Variants in DNAAF9 observed in about 807,000 individuals in gnomAD.
The protein encoded by DNAAF9 is shulin.
A neutral mutation model predicts 167.0 loss-of-function variants in DNAAF9; 90 were observed. The ratio of observed to expected loss-of-function variants is 0.54; its 90% CI spans 0.45 to 0.64. The LOEUF (loss-of-function observed/expected upper bound fraction) is 0.64. DNAAF9 is among the 30% of genes least tolerant of loss of function. DNAAF9 has a pLI of 0.00. For missense variants in DNAAF9, 1,315 were observed against 1,442.2 expected, an observed-to-expected ratio of 0.91 and a Z score of 1.43; for synonymous variants, 491 against 508.8, an observed-to-expected ratio of 0.96 and a Z score of 0.47.
rs756070004 is a variant in DNAAF9, at chr20:3,348,640, A to G, written c.691-17T>C. ...CACCAAATCCTGGGAAAAAAAGGAA[A>G]AAGATAACGTGTTTGGTCATATAAA... On this transcript the variant is annotated splice_polypyrimidine_tract_variant and intron_variant, in intron 7 of 36. Transcript: ENST00000252032. 23 of 1,523,144 alleles carry G rather than the reference A, an allele frequency of 1.5e-5. No homozygotes were observed. Among genetic ancestry groups the G allele is most frequent in the East Asian group, 4.5e-5 (2 of 44,438 alleles). 94.4% of individuals were successfully genotyped at this position (1,523,144 alleles called of 1,614,324 possible).
At chr20:3,354,492 A>C (rs910842209) in intron 7 of DNAAF9, among the ~76,000 whole-genome samples, 27 of 152,228 alleles carry the variant, frequency 1.8e-4, no homozygotes, top group Admixed American at 1.2e-3. Flanking sequence ...CTCCAAGTCC[A>C]TATTCATTGT....
intron 7 of DNAAF9, among the ~76,000 whole-genome samples, chr20:3,357,588 G>A (rs2123168264): frequency 6.6e-6 from 1 of 152,200 alleles, no homozygotes; most frequent in East Asian, 1.9e-4. Context: ...AATAAAATTA[G>A]TATACTTCTT....
chr20:3,278,037 G>A (rs539417933), intron 29 of DNAAF9, among the ~76,000 whole-genome samples: 3 of 152,290 alleles, frequency 2.0e-5, no homozygotes, highest in Non-Finnish European at 2.9e-5. Flanking sequence ...CATGTCTCCT[G>A]ATAACAATGA....
chr20:3,338,474 C>T (rs570327781), intron 10 of DNAAF9, among the ~76,000 whole-genome samples: 14 of 152,152 alleles, frequency 9.2e-5, no homozygotes, highest in African/African-American at 3.1e-4. Context: ...ATTTATCCTG[C>T]TTGGTGTTCT....
chr20:3,269,530 C>T (rs2068554409), intron 30 of DNAAF9, among the ~76,000 whole-genome samples: 1 of 152,128 alleles, frequency 6.6e-6, no homozygotes, highest in African/African-American at 2.4e-5. Context: ...CCATTTCTTT[C>T]ACACTTTAAT....
At chr20:3,402,952 G>A (rs1268848870) in intron 1 of DNAAF9, among the ~76,000 whole-genome samples, 5 of 152,104 alleles carry the variant, frequency 3.3e-5, no homozygotes, top group African/African-American at 4.8e-5. Flanking sequence ...ATCTGGAAAC[G>A]TATGTCCTTT....
At chr20:3,254,235 C>T (rs911810475) in intron 35 of DNAAF9, among the ~76,000 whole-genome samples, 64 of 152,226 alleles carry the variant, frequency 4.2e-4, no homozygotes, top group African/African-American at 1.1e-3. Flanking sequence ...TGCGCCACCA[C>T]GCCTGGCTAA....
At chr20:3,266,772 C>T (rs976386666) in intron 30 of DNAAF9, among the ~76,000 whole-genome samples, 10 of 151,404 alleles carry the variant, frequency 6.6e-5, no homozygotes, top group East Asian at 2.0e-4. Context: ...CCACCATGCT[C>T]GGCTGATTAT....
At chr20:3,292,341 A>G (rs2068972428) in intron 25 of DNAAF9, among the ~76,000 whole-genome samples, 1 of 152,208 alleles carries the variant, frequency 6.6e-6, no homozygotes, top group African/African-American at 2.4e-5. Context: ...TATGCTTTAC[A>G]AACAGATGCT....
rs927629359 is a variant in DNAAF9, at chr20:3,318,924, CA to C, written c.1357-525del. 3.4e-5 allele frequency among the ~76,000 whole-genome samples: 5 copies of C among 149,044 alleles called. 1 individual carries two copies. Among genetic ancestry groups the C allele is most frequent in the South Asian group, 2.1e-4 (1 of 4,710 alleles). On this transcript the variant is annotated intron_variant, in intron 16 of 36. Transcript: ENST00000252032. ...TGAAACCCCATCTCTACTAAAAATA[CA>C]AAAAAAAATTAGCCAGGCATGGTGG... is the stretch of plus-strand genomic sequence containing the variant.
chr20:3,396,747 T>C (rs1317834424), intron 1 of DNAAF9, among the ~76,000 whole-genome samples: 1 of 151,450 alleles, frequency 6.6e-6, no homozygotes, highest in Non-Finnish European at 1.5e-5. Flanking sequence ...AGGAAGAGAG[T>C]TGCAGGAGAT....
chr20:3,340,787 G>T (rs1325999672), intron 9 of DNAAF9, 148 bp from the exon 10 acceptor site: 2 of 677,440 alleles, frequency 3.0e-6, no homozygotes, highest in South Asian at 1.7e-5. Context: ...GAATATCCTT[G>T]GCTGGTTGGA....
At chr20:3,263,320 T>C (rs2068428160) in intron 31 of DNAAF9, among the ~76,000 whole-genome samples, 1 of 152,088 alleles carries the variant, frequency 6.6e-6, no homozygotes, top group Non-Finnish European at 1.5e-5. Context: ...AGGGGTGGTA[T>C]GGAGGATGTA....
At chr20:3,384,796 T>C (rs1430190563) in intron 1 of DNAAF9, among the ~76,000 whole-genome samples, 2 of 152,154 alleles carry the variant, frequency 1.3e-5, no homozygotes, top group East Asian at 1.9e-4. Flanking sequence ...CGAGGCTGGT[T>C]CATTATTCAT....
At chr20:3,350,040 T>G (rs1401429407) in intron 7 of DNAAF9, among the ~76,000 whole-genome samples, 6 of 152,068 alleles carry the variant, frequency 3.9e-5, no homozygotes, top group Non-Finnish European at 8.8e-5. Flanking sequence ...GTACTGACTC[T>G]ACTTCTGGCC....
chr20:3,284,873 G>A (rs2068824733), intron 27 of DNAAF9, among the ~76,000 whole-genome samples: 1 of 150,582 alleles, frequency 6.6e-6, no homozygotes, highest in Non-Finnish European at 1.5e-5. Context: ...GTGTGTGTAT[G>A]TGTGTGTGTG....
chr20:3,318,427 T>C (rs1204639031), intron 16 of DNAAF9, 27 bp from the exon 17 acceptor site: 15 of 1,169,150 alleles, frequency 1.3e-5, no homozygotes, highest in Admixed American at 5.2e-5. Context: ...ACCAGTTAGA[T>C]CAGTTACCAG....
chr20:3,270,918 T>C (rs952163827), intron 29 of DNAAF9, among the ~76,000 whole-genome samples: 20 of 151,932 alleles, frequency 1.3e-4, no homozygotes, highest in Admixed American at 1.1e-3. Context: ...GTTCAAGCAA[T>C]TCTCCTGCCT....
chr20:3,310,427 G>A (rs2069393600), intron 20 of DNAAF9, among the ~76,000 whole-genome samples: 1 of 151,904 alleles, frequency 6.6e-6, no homozygotes, highest in Non-Finnish European at 1.5e-5. Flanking sequence ...GGTCACGCCT[G>A]TAATCCCAGC....
Sources: gnomAD v4.1 joint callset for allele counts (sites outside exome capture counted in the v4.1 genomes callset) on GRCh38, gnomAD v4.1.1 for gene constraint, MANE v1.5 for transcripts, NCBI Gene and HGNC (gene_info 2026-07-23, HGNC 2026-07-21) for gene names.